The following EDN3 variants were observed in gnomAD, a reference collection of about 807,000 sequenced individuals.
EDN3 encodes endothelin 3, also known as endothelin-3.
In EDN3, 9 loss-of-function variants were observed where a neutral mutation model predicts 21.4. The observed-to-expected ratio is 0.42, with a 90% CI of 0.25 to 0.73. The LOEUF (loss-of-function observed/expected upper bound fraction) is 0.73. Among genes scored for constraint, EDN3 ranks in the 30% least tolerant of loss-of-function variants. EDN3 has a pLI of 0.26. For synonymous variants in EDN3, 133 were observed against 126.2 expected (o/e 1.05, Z -0.36); for missense variants, 327 against 309.4 (o/e 1.06, Z -0.43).
At chr20:59,304,236 CAGGAGTGATGGGG>C (rs1276484277) in intron 2 of EDN3, among the ~76,000 whole-genome samples, 1 of 152,156 alleles carries the variant, frequency 6.6e-6, no homozygotes, top group African/African-American at 2.4e-5. Flanking sequence ...TGACAGGGAA[CAGGAGTGATGGGG>C]AGGAATCTAA....
intron 2 of EDN3, among the ~76,000 whole-genome samples, chr20:59,320,013 C>A (rs1052200692): frequency 6.6e-6 from 1 of 152,212 alleles, no homozygotes; most frequent in African/African-American, 2.4e-5. Flanking sequence ...TGGCAGGCAC[C>A]CCCTTTTTCT....
intron 3 of EDN3, among the ~76,000 whole-genome samples, 186 bp downstream of exon 3, chr20:59,321,379 C>G (rs570997968): frequency 6.6e-5 from 10 of 152,316 alleles, no homozygotes; most frequent in Non-Finnish European, 1.3e-4. Flanking sequence ...ATCAGGAGGG[C>G]AGGAGATGCA....
At chr20:59,319,590 G>T (rs1242173925) in intron 2 of EDN3, among the ~76,000 whole-genome samples, 1 of 151,944 alleles carries the variant, frequency 6.6e-6, no homozygotes, top group Admixed American at 6.6e-5. Flanking sequence ...GCCGGGCGTG[G>T]TGGCACATGC....
At position 59,324,488 on chromosome 20, in the gene EDN3, G is replaced by A. The variant is rs368688196; in HGVS notation, c.*29G>A. The A allele has an allele frequency of 2.2e-5, 35 of 1,613,634 alleles. No homozygotes were observed. In the African/African-American group the frequency reaches 2.9e-4, roughly 14 times the overall value. On this transcript the variant is annotated 3_prime_UTR_variant, in exon 5 of 5. Transcript: ENST00000337938. ...GACAGGCCTGCAGCATCCTGGTCTC[G>A]GGAGGCTTCTGTCATTGCTCACACA...
chr20:59,317,920 G>A (rs755231311), intron 2 of EDN3, among the ~76,000 whole-genome samples: 4 of 152,206 alleles, frequency 2.6e-5, no homozygotes, highest in African/African-American at 4.8e-5. Context: ...TGAGGATCCA[G>A]TAATCTGCCT....
chr20:59,313,325 G>T (rs886617884), intron 2 of EDN3, among the ~76,000 whole-genome samples: 4 of 152,162 alleles, frequency 2.6e-5, no homozygotes, highest in African/African-American at 9.7e-5. Flanking sequence ...GCTCCGGCTG[G>T]ACAAGGTCCT....
Position 59,305,392 on chromosome 20 carries a change from C to G in EDN3, c.365+3670C>G, listed in dbSNP as rs370410109. On this transcript the variant is annotated intron_variant, in intron 2 of 4. Transcript: ENST00000337938. The surrounding 1 kb of genome is among the most constrained non-coding windows in gnomAD (Gnocchi z 4.2). ...TGATGTCCTTGTACACTGCGGCTGT[C>G]CTCTATGAGCAGACTGAAGAAACAG... 3.3e-5 allele frequency among the ~76,000 whole-genome samples: 5 copies of G among 152,310 alleles called. No individual in the cohort carries two copies. The East Asian group carries it at 9.7e-4, about 29-fold the overall frequency.
chr20:59,311,923 G>A (rs1166326788), intron 2 of EDN3, among the ~76,000 whole-genome samples: 1 of 152,194 alleles, frequency 6.6e-6, no homozygotes, highest in Admixed American at 6.5e-5. Flanking sequence ...GTAAGCATAA[G>A]TCTTGCTCAT....
At chr20:59,316,690 G>A (rs1221345127) in intron 2 of EDN3, among the ~76,000 whole-genome samples, 3 of 152,200 alleles carry the variant, frequency 2.0e-5, no homozygotes, top group Non-Finnish European at 2.9e-5. Context: ...ATGAGAGATT[G>A]GGGAATTTAA....
At position 59,301,554 on chromosome 20, in the gene EDN3, T is replaced by C; in HGVS notation, c.197T>C (p.Val66Ala). 2 of 1,613,658 alleles carry C rather than the reference T, an allele frequency of 1.2e-6. No individual in the cohort carries two copies. Among genetic ancestry groups the C allele is most frequent in the Non-Finnish European group, 8.5e-7 (1 of 1,179,900 alleles). Residue 66 changes from valine (V) to alanine (A), a missense_variant, in exon 2 of 5, where the codon GTG (valine) becomes GCG (alanine). Physicochemically the swap from Val to Ala is moderately conservative, Grantham distance 64 (BLOSUM62 0). Coordinates refer to ENST00000337938, the MANE Select transcript of EDN3 (RefSeq NM_207034.3). The part of the protein sequence containing the change: ...ETVAGPGEGT[V>A]APTALQGPSP... The stretch of plus-strand genomic sequence containing the variant: ...GTGGCTGGCCCTGGCGAGGGGACTG[T>C]GGCCCCGACAGCACTGCAGGGTCCA...
In EDN3 at chr20:59,305,170, T is replaced by G. The variant is rs1400879491; in HGVS notation, c.365+3448T>G. Among the ~76,000 whole-genome samples the G allele has an allele frequency of 6.6e-6, 1 of 152,170 alleles. No homozygotes were observed. The highest frequency in any genetic ancestry group is 1.5e-5 in the Non-Finnish European group (1 of 68,028). On this transcript the variant is annotated intron_variant, in intron 2 of 4. Transcript: ENST00000337938. This position sits in a 1 kb window ranked among gnomAD's most constrained non-coding sequence, Gnocchi z 4.2. ...ACTTACCCTGTCAAGGCTGCTGGGA[T>G]CACAGTTCATCAATGGGATAGCATG...
chr20:59,318,769 T>G (rs1399249890), intron 2 of EDN3, among the ~76,000 whole-genome samples: 8 of 152,228 alleles, frequency 5.3e-5, no homozygotes, highest in Admixed American at 5.2e-4. Context: ...TTTCCTTACT[T>G]AAAACACTTT....
chr20:59,306,728 T>C (rs554109828), intron 2 of EDN3, among the ~76,000 whole-genome samples: 1 of 152,076 alleles, frequency 6.6e-6, no homozygotes, highest in African/African-American at 2.4e-5. Flanking sequence ...CATCTTGGCA[T>C]GGTCTCAAGA....
At chr20:59,324,246 CT>C in intron 4 of EDN3, 84 bp from the exon 5 acceptor site, 1 of 1,575,730 alleles carries the variant, frequency 6.3e-7, no homozygotes, top group Non-Finnish European at 8.7e-7. Flanking sequence ...AAGACGTTCC[CT>C]TTTTCAGCTT....
chr20:59,322,355 C>T lies in EDN3; in HGVS notation c.543-17C>T. 6.2e-7 allele frequency: 1 copy of T among 1,614,148 alleles called. No individual in the cohort carries two copies. On this transcript the variant is annotated splice_polypyrimidine_tract_variant and intron_variant, in intron 3 of 4. Coordinates refer to ENST00000337938, the MANE Select transcript of EDN3 (RefSeq NM_207034.3). The surrounding 1 kb of genome is among the most constrained non-coding windows in gnomAD (Gnocchi z 4.1). Reference sequence around the variant, plus strand: ...GAAAGGCAGGTTGATTGATTAAAACCAGCTCTCTCCCCACAGTAATTCAAG... The same window carrying T: ...GAAAGGCAGGTTGATTGATTAAAACTAGCTCTCTCCCCACAGTAATTCAAG...
rs886056872 is a variant in EDN3, at chr20:59,300,693, C to T, written c.-120C>T. 3.7e-5 allele frequency: 37 copies of T among 993,254 alleles called. No individual in the cohort carries two copies. The highest frequency in any genetic ancestry group is 5.1e-5 in the Non-Finnish European group (34 of 670,998). 61.5% of individuals were successfully genotyped at this position (993,254 alleles called of 1,614,324 possible). A position where few individuals can be genotyped will look rare whatever the true frequency, so the allele number is the denominator to read the frequency against. ...CGGAGCTGGAGACGCAGCGAGCGAT[C>T]GGCCGGCCTCGAACCCCCACAGCTG... On this transcript the variant is annotated 5_prime_UTR_variant, in exon 1 of 5. Transcript: ENST00000337938.
intron 4 of EDN3, chr20:59,323,654 C>T: frequency 2.5e-6 from 1 of 399,896 alleles, no homozygotes; most frequent in Non-Finnish European, 4.4e-6. Flanking sequence ...GTGGCCTCAT[C>T]TTTCTCACCA....
chr20:59,323,457 G>A (rs143498370), intron 4 of EDN3, among the ~76,000 whole-genome samples: 7 of 152,318 alleles, frequency 4.6e-5, no homozygotes, highest in Non-Finnish European at 1.0e-4. Flanking sequence ...CACCTGCTAC[G>A]GGCTGGGCAC....
At chr20:59,310,920 G>A (rs1032196518) in intron 2 of EDN3, among the ~76,000 whole-genome samples, 7 of 152,082 alleles carry the variant, frequency 4.6e-5, no homozygotes, top group Non-Finnish European at 8.8e-5. Flanking sequence ...ATTTCCATGG[G>A]TCTCTTGCAG....
Sources: allele counts gnomAD v4.1 joint callset (sites outside exome capture counted in the v4.1 genomes callset), GRCh38; gene constraint gnomAD v4.1.1; non-coding constraint Gnocchi (gnomAD v3.1); transcripts MANE v1.5; gene names NCBI Gene and HGNC (gene_info 2026-07-23, HGNC 2026-07-21).